FRMD6: variants seen among roughly 807,000 people sequenced by gnomAD.
FRMD6 encodes the protein FERM domain-containing protein 6.
In FRMD6, 37 loss-of-function variants were observed where a neutral mutation model predicts 73.2. That is an observed-to-expected ratio of 0.51 (90% confidence interval 0.39 to 0.66). FRMD6 has a LOEUF of 0.66. Ranked by LOEUF, FRMD6 falls within the 30% of genes least tolerant of loss-of-function variation. The pLI is 0.00. For missense variants in FRMD6, 714 were observed against 780.5 expected (o/e 0.91, Z 1.02); for synonymous variants, 273 against 282.2 (o/e 0.97, Z 0.33).
intron 2 of FRMD6, among the ~76,000 whole-genome samples, chr14:51,616,406 G>A (rs1890713809): frequency 6.6e-6 from 1 of 152,176 alleles, no homozygotes; most frequent in Non-Finnish European, 1.5e-5. Context: ...AGAACTACTG[G>A]CTTAGACTAG....
chr14:51,646,473 T>G (rs965536127), intron 2 of FRMD6, among the ~76,000 whole-genome samples: 1 of 152,002 alleles, frequency 6.6e-6, no homozygotes, highest in Non-Finnish European at 1.5e-5. Flanking sequence ...GTAACCAGTC[T>G]GTCACCAGAT....
intron 1 of FRMD6, among the ~76,000 whole-genome samples, chr14:51,504,095 T>C (rs556258020): frequency 6.6e-6 from 1 of 152,252 alleles, no homozygotes; most frequent in South Asian, 2.1e-4. Flanking sequence ...CCATTTCTGA[T>C]TGTGTTTATT....
At chr14:51,481,385 C>T in the FRMD6 span, among the ~76,000 whole-genome samples, 1 of 152,082 alleles carries the variant, frequency 6.6e-6, no homozygotes, top group African/African-American at 2.4e-5. Flanking sequence ...AAGGGGAAAC[C>T]CCTTATAAAA....
the FRMD6 span, chr14:51,436,348 T>C: frequency 2.5e-6 from 1 of 406,270 alleles, no homozygotes; most frequent in Non-Finnish European, 4.7e-6. Context: ...CATCCAAAAG[T>C]GTCTGCACTG....
the FRMD6 span, among the ~76,000 whole-genome samples, chr14:51,469,618 G>GAAAAAAAAA: frequency 7.2e-5 from 7 of 96,760 alleles, no homozygotes; most frequent in African/African-American, 1.5e-4. Context: ...ATTTCAAAAA[G>GAAAAAAAAA]AAAAAAAAAA....
At chr14:51,562,708 T>C (rs1887549093) in intron 1 of FRMD6, among the ~76,000 whole-genome samples, 1 of 152,214 alleles carries the variant, frequency 6.6e-6, no homozygotes, top group African/African-American at 2.4e-5. Flanking sequence ...GCTTTCTTCC[T>C]GCATAAGACT....
At chr14:51,652,476 G>T (rs563773534) in intron 1 of FRMD6, among the ~76,000 whole-genome samples, 1 of 152,218 alleles carries the variant, frequency 6.6e-6, no homozygotes, top group Non-Finnish European at 1.5e-5. Context: ...GTGGCTGGGC[G>T]CCGGGACTAG....
chr14:51,557,098 C>A lies in FRMD6; in HGVS notation c.-209-13250C>A, dbSNP rs148184626. The stretch of plus-strand genomic sequence containing the variant: ...CCCTAGAATGTGAGTTTAGCCTGGG[C>A]AACATAGTGAGACCCTGTCTGAAAA... On this transcript the variant is annotated intron_variant, in intron 1 of 14. Coordinates refer to the FRMD6 transcript ENST00000356218. 3.2e-3 allele frequency among the ~76,000 whole-genome samples: 487 copies of A among 151,772 alleles called. 5 individuals are homozygous for A. The highest frequency in any genetic ancestry group is 0.01 in the Middle Eastern group (3 of 294).
At chr14:51,613,490 A>T (rs1041492428) in intron 2 of FRMD6, among the ~76,000 whole-genome samples, 2 of 152,204 alleles carry the variant, frequency 1.3e-5, no homozygotes, top group East Asian at 1.9e-4. Flanking sequence ...GTACTTCTAA[A>T]TCCGGAGGGA....
chr14:51,513,303 CAAG>C (rs1438688920), intron 1 of FRMD6, among the ~76,000 whole-genome samples: 1 of 152,204 alleles, frequency 6.6e-6, no homozygotes, highest in Non-Finnish European at 1.5e-5. Flanking sequence ...CCTGATCTCT[CAAG>C]AAGAGAAGAG....
intron 1 of FRMD6, among the ~76,000 whole-genome samples, chr14:51,671,716 GA>G (rs1219708823): frequency 3.3e-5 from 5 of 152,160 alleles, no homozygotes; most frequent in Non-Finnish European, 5.9e-5. Flanking sequence ...GTGCCCTAAA[GA>G]AATCAGCAGT....
chr14:51,582,360 T>C (rs887823752), intron 2 of FRMD6, among the ~76,000 whole-genome samples: 3 of 152,232 alleles, frequency 2.0e-5, no homozygotes, highest in Admixed American at 1.3e-4. Flanking sequence ...TTGGATGATA[T>C]TATCTTCCTT....
At chr14:51,415,991 T>C in the FRMD6 span, among the ~76,000 whole-genome samples, 4 of 152,232 alleles carry the variant, frequency 2.6e-5, no homozygotes, top group African/African-American at 7.2e-5. Context: ...GTGGGATTGA[T>C]GGTGATATCC....
chr14:51,558,479 A>G (rs1242712900), intron 1 of FRMD6, among the ~76,000 whole-genome samples: 1 of 151,380 alleles, frequency 6.6e-6, no homozygotes, highest in Non-Finnish European at 1.5e-5. Context: ...AAAAAAACAA[A>G]AAACAAAAAA....
intron 1 of FRMD6, among the ~76,000 whole-genome samples, chr14:51,682,392 CA>C (rs1193150238): frequency 6.6e-6 from 1 of 150,888 alleles, no homozygotes; most frequent in African/African-American, 2.4e-5. Context: ...AAGTAAATAT[CA>C]ATGTTGGTAT....
chr14:51,665,892 C>A (rs1893548409), intron 1 of FRMD6, among the ~76,000 whole-genome samples: 1 of 152,144 alleles, frequency 6.6e-6, no homozygotes, highest in Non-Finnish European at 1.5e-5. Flanking sequence ...ATGAGTTGTG[C>A]CTTTCACCTT....
chr14:51,616,458 G>A (rs1308827164), intron 2 of FRMD6, among the ~76,000 whole-genome samples: 1 of 152,182 alleles, frequency 6.6e-6, no homozygotes, highest in Non-Finnish European at 1.5e-5. Context: ...ATGGACAAGG[G>A]AGCTGAAGAT....
intron 1 of FRMD6, among the ~76,000 whole-genome samples, chr14:51,658,340 C>G (rs1053075382): frequency 1.3e-5 from 2 of 151,944 alleles, no homozygotes; most frequent in Non-Finnish European, 2.9e-5. Flanking sequence ...CTCTCTCTCT[C>G]TCACTTCTAG....
intron 1 of FRMD6, among the ~76,000 whole-genome samples, chr14:51,542,549 T>C (rs564519460): frequency 1.3e-5 from 2 of 152,174 alleles, no homozygotes; most frequent in African/African-American, 2.4e-5. Context: ...CATTTGGGTG[T>C]TTCTTTCTTT....
Sources: allele counts gnomAD v4.1 joint callset (sites outside exome capture counted in the v4.1 genomes callset), GRCh38; gene constraint gnomAD v4.1.1; transcripts MANE v1.5; gene names NCBI Gene and HGNC (gene_info 2026-07-23, HGNC 2026-07-21).